The following AMY2B variants were observed in gnomAD, a reference collection of about 807,000 sequenced individuals.
AMY2B encodes amylase alpha 2B.
Under a neutral mutation model 59.3 loss-of-function variants are expected in AMY2B, and 63 were observed. The observed-to-expected ratio is 1.06, with a 90% CI of 0.87 to 1.31. The LOEUF is 1.31. Among genes scored for constraint, AMY2B ranks in the 50% most tolerant of loss-of-function variants. The probability of loss-of-function intolerance (pLI) is 0.00; values close to 1 mark genes in which losing one functional copy is unlikely to be tolerated. For missense variants in AMY2B, 635 were observed against 626.7 expected (o/e 1.01, Z -0.14); for synonymous variants, 180 against 198.1 (o/e 0.91, Z 0.77).
exon 2 of AMY2B, chr1:103,565,478 G>A (rs1651877738): frequency 6.6e-6 from 1 of 152,282 alleles, no homozygotes; most frequent in South Asian, 2.1e-4. Context: ...ATGGAGGGCT[G>A]ACTATATACA....
At chr1:103,572,394 A>C in intron 2 of AMY2B, 138 bp downstream of exon 2, 1 of 1,440,796 alleles carries the variant, frequency 6.9e-7, no homozygotes, top group Non-Finnish European at 9.2e-7. Context: ...CTCAAAATTA[A>C]CCGTTGCCTT....
chr1:103,560,316 T>C (rs1651693806), intron 1 of AMY2B, among the ~76,000 whole-genome samples: 1 of 152,146 alleles, frequency 6.6e-6, no homozygotes, highest in African/African-American at 2.4e-5. Context: ...GAGTCAAACA[T>C]TTTTAATTAT....
chr1:103,569,428 G>A, upstream of AMY2B: 1 of 229,716 alleles, frequency 4.4e-6, no homozygotes, highest in Non-Finnish European at 8.7e-6. Flanking sequence ...GTGTGTGTGT[G>A]TGTGTACACT....
chr1:103,574,248 A>G lies in AMY2B; in HGVS notation c.745-12A>G. 6.2e-7 allele frequency: 1 copy of G among 1,611,692 alleles called. No homozygotes were observed. Among genetic ancestry groups the G allele is most frequent in the Non-Finnish European group, 8.5e-7 (1 of 1,179,634 alleles). ...TTATGCAAAATGTTACTTTTTCCTA[A>G]TTTTCTACTAGGTAATTGATCTGGG... On this transcript the variant is annotated splice_polypyrimidine_tract_variant and intron_variant, in intron 4 of 9. Coordinates refer to ENST00000684275, the MANE Select transcript of AMY2B (RefSeq NM_001387437.1).
At chr1:103,575,570 T>C (rs751724077) in intron 7 of AMY2B, 30 bp downstream of exon 7, 3 of 1,610,434 alleles carry the variant, frequency 1.9e-6, no homozygotes, top group South Asian at 2.2e-5. Flanking sequence ...AAACTATCCT[T>C]TTCTCAAGAA....
intron 7 of AMY2B, among the ~76,000 whole-genome samples, chr1:103,576,328 T>G (rs374191098): frequency 2.0e-5 from 3 of 152,208 alleles, no homozygotes; most frequent in Non-Finnish European, 4.4e-5. Context: ...TTACTTTGTA[T>G]AGCAACTGAT....
In AMY2B at chr1:103,559,524, A is replaced by G. The variant is rs564836022; in HGVS notation, c.-207+4415A>G. On this transcript the variant is annotated intron_variant, in intron 1 of 11. Transcript: ENST00000361355. ...ACTGTCCTAATTCATACCAGCATTCATGATTACTTAGATTTACACTGGGAA... is the reference window on the plus strand; with the variant it reads ...ACTGTCCTAATTCATACCAGCATTCGTGATTACTTAGATTTACACTGGGAA... Among the ~76,000 whole-genome samples the G allele has an allele frequency of 7.2e-5, 11 of 152,340 alleles. No individual in the cohort carries two copies. The South Asian group carries it at 2.3e-3, about 32-fold the overall frequency.
At chr1:103,558,722 C>T (rs1233846406) in intron 1 of AMY2B, among the ~76,000 whole-genome samples, 1 of 149,694 alleles carries the variant, frequency 6.7e-6, no homozygotes, top group Non-Finnish European at 1.5e-5. Context: ...GTGATTGCAT[C>T]TCTGCACTCC....
chr1:103,557,433 C>T (rs1651592866), intron 1 of AMY2B, among the ~76,000 whole-genome samples: 2 of 152,156 alleles, frequency 1.3e-5, no homozygotes, highest in East Asian at 3.9e-4. Flanking sequence ...GGTGGATCAA[C>T]GTGAGGTCAG....
upstream of AMY2B, chr1:103,569,510 T>C (rs1652034878): frequency 3.8e-6 from 1 of 265,916 alleles, no homozygotes; most frequent in South Asian, 3.8e-5. Flanking sequence ...CCATGCACCA[T>C]GTTGTCCTGC....
At chr1:103,575,129 G>T (rs1419095684) in intron 5 of AMY2B, 94 bp from the exon 6 acceptor site, 10 of 1,564,354 alleles carry the variant, frequency 6.4e-6, no homozygotes, top group Non-Finnish European at 8.7e-6. Context: ...TTAATCTTCA[G>T]ATGCCATGCC....
upstream of AMY2B, among the ~76,000 whole-genome samples, chr1:103,567,284 AAT>A (rs1651941622): frequency 6.6e-6 from 1 of 152,100 alleles, no homozygotes; most frequent in South Asian, 2.1e-4. Context: ...TTTCATATAA[AAT>A]ATGAGGAACT....
chr1:103,558,782 T>C (rs1570634630), intron 1 of AMY2B, among the ~76,000 whole-genome samples: 1 of 147,630 alleles, frequency 6.8e-6, no homozygotes, highest in South Asian at 2.1e-4. Flanking sequence ...AAAAAAAAGC[T>C]GTCATTAATA....
At chr1:103,574,600 A>T (rs1652271076) in intron 5 of AMY2B, among the ~76,000 whole-genome samples, 1 of 152,118 alleles carries the variant, frequency 6.6e-6, no homozygotes, top group Non-Finnish European at 1.5e-5. Context: ...AGGAACGCTA[A>T]ACATATCCTA....
At chr1:103,569,529 T>C (rs1652035859), upstream of AMY2B, 3 of 291,844 alleles carry the variant, frequency 1.0e-5, no homozygotes, top group Middle Eastern at 1.1e-3. Flanking sequence ...GCCGCTCCAC[T>C]GTCCCACTCC....
At chr1:103,563,189 C>T (rs993277579) in intron 1 of AMY2B, among the ~76,000 whole-genome samples, 4 of 152,082 alleles carry the variant, frequency 2.6e-5, no homozygotes, top group East Asian at 1.9e-4. Flanking sequence ...ATTGCTTTGT[C>T]GTCAGGATAT....
At chr1:103,572,564 T>A (rs2101073306) in intron 2 of AMY2B, among the ~76,000 whole-genome samples, 1 of 152,310 alleles carries the variant, frequency 6.6e-6, no homozygotes. Context: ...TAATTCCAGT[T>A]ACAATATTTG....
chr1:103,570,045 C>G (rs1236291584), upstream of AMY2B: 2 of 435,526 alleles, frequency 4.6e-6, no homozygotes, highest in Middle Eastern at 5.3e-4. Flanking sequence ...TGGTGCCCAT[C>G]TATAAGGGCT....
intron 1 of AMY2B, among the ~76,000 whole-genome samples, chr1:103,557,964 ATATT>A (rs1391922055): frequency 2.0e-5 from 3 of 152,188 alleles, no homozygotes; most frequent in Admixed American, 1.3e-4. Flanking sequence ...TTTTCTTTAT[ATATT>A]TAAACTCGCA....
Sources: allele counts gnomAD v4.1 joint callset (sites outside exome capture counted in the v4.1 genomes callset), GRCh38; gene constraint gnomAD v4.1.1; transcripts MANE v1.5; gene names NCBI Gene and HGNC (gene_info 2026-07-23, HGNC 2026-07-21).